NVL: variants seen among roughly 807,000 people sequenced by gnomAD.
NVL encodes nuclear valosin-containing protein-like.
In NVL, 84 loss-of-function variants were observed where a neutral mutation model predicts 110.2. The observed-to-expected ratio is 0.76, with a 90% confidence interval of 0.64 to 0.91. NVL has a LOEUF of 0.91. Among genes scored for constraint, NVL ranks in the 40% least tolerant of loss-of-function variants. The pLI, the probability that NVL is intolerant of heterozygous loss-of-function variation, is 0.00. For missense variants in NVL, 882 were observed against 1,035.9 expected, an observed-to-expected ratio of 0.85 and a Z score of 2.04; for synonymous variants, 354 against 361.1, an observed-to-expected ratio of 0.98 and a Z score of 0.22.
chr1:224,289,583 C>G lies in NVL; in HGVS notation c.1476G>C (p.Lys492Asn), dbSNP rs1667181555. The G allele has an allele frequency of 6.2e-7, 1 of 1,614,224 alleles. No individual in the cohort carries two copies. The highest frequency in any genetic ancestry group is 8.5e-7 in the Non-Finnish European group (1 of 1,180,034). Reference protein sequence around the residue: ...AMCAVNRVLMKLQEQQKKNPE... With the variant: ...AMCAVNRVLMNLQEQQKKNPE... ...GATTTTTCTTCTGCTGTTCCTGTAGCTTCATTAAGACTCTATTGACTGCAC... is the reference window on the plus strand; with the variant it reads ...GATTTTTCTTCTGCTGTTCCTGTAGGTTCATTAAGACTCTATTGACTGCAC... The change falls in exon 13 of 23, where the codon AAG becomes AAC. Residue 492 changes from lysine to asparagine, a missense_variant. By Grantham distance (94) the Lys-to-Asn change is moderately conservative (BLOSUM62 0). This residue lies in a region of NVL where 416 missense variants were observed against 499.3 expected (regional missense o/e 0.83). Coordinates refer to ENST00000281701, the MANE Select transcript of NVL (RefSeq NM_002533.4).
intron 19 of NVL, among the ~76,000 whole-genome samples, chr1:224,242,456 A>G (rs1456298181): frequency 2.0e-5 from 3 of 151,714 alleles, no homozygotes; most frequent in Non-Finnish European, 4.4e-5. Flanking sequence ...TTATTTTAAC[A>G]AATATTTTCA....
intron 8 of NVL, among the ~76,000 whole-genome samples, chr1:224,304,303 TAAACCCA>T (rs1237265626): frequency 6.6e-6 from 1 of 152,096 alleles, no homozygotes; most frequent in African/African-American, 2.4e-5. Context: ...CACATGCCTG[TAAACCCA>T]ACTACTCGGG....
At chr1:224,315,012 A>C (rs1320980936) in intron 4 of NVL, among the ~76,000 whole-genome samples, 1 of 151,646 alleles carries the variant, frequency 6.6e-6, no homozygotes, top group Non-Finnish European at 1.5e-5. Context: ...ACTCCATCTC[A>C]AAAAAACAAC....
chr1:224,298,369 G>T, intron 10 of NVL: 1 of 185,502 alleles, frequency 5.4e-6, no homozygotes, highest in South Asian at 1.1e-4. Flanking sequence ...AACAAGTTAA[G>T]GGCAAGATTC....
At chr1:224,293,002 G>A (rs968028214) in intron 12 of NVL, among the ~76,000 whole-genome samples, 1 of 151,568 alleles carries the variant, frequency 6.6e-6, no homozygotes, top group Non-Finnish European at 1.5e-5. Flanking sequence ...TGATGCACCC[G>A]CCTCGGCCTC....
In NVL at chr1:224,289,644, G is replaced by A. The variant is rs1344594414; in HGVS notation, c.1415C>T (p.Ala472Val). 5 of 1,614,254 alleles carry A rather than the reference G, an allele frequency of 3.1e-6. No homozygotes were observed. The highest frequency in any genetic ancestry group is 4.2e-6 in the Non-Finnish European group (5 of 1,180,052). ...CTCTCGGCACAGTGCCATGAGATCA[G>A]CACCAACAAAGCCTGGAGTTAGGTG... ...LAHLTPGFVG[A>V]DLMALCREAA... The change falls in exon 13 of 23, where the codon GCT becomes GTT. Residue 472 changes from alanine to valine, a missense_variant. Physicochemically the swap from Ala to Val is moderately conservative, Grantham distance 64. Around this residue, in one of 4 missense-constraint regions of NVL, gnomAD observed 416 missense variants for 499.3 expected, o/e 0.83. Coordinates refer to ENST00000281701, the MANE Select transcript of NVL (RefSeq NM_002533.4).
At chr1:224,241,459 T>C (rs149888955) in intron 19 of NVL, among the ~76,000 whole-genome samples, 3 of 152,266 alleles carry the variant, frequency 2.0e-5, no homozygotes, top group East Asian at 1.9e-4. Flanking sequence ...GATAATATTA[T>C]ATTATTTTTT....
intron 2 of NVL, among the ~76,000 whole-genome samples, chr1:224,324,088 TAC>T (rs900067327): frequency 3.3e-5 from 5 of 152,206 alleles, no homozygotes; most frequent in Non-Finnish European, 7.3e-5. Flanking sequence ...GCTAGCCTAT[TAC>T]ACACCTAGAC....
At chr1:224,277,919 A>G (rs1288123425) in intron 16 of NVL, among the ~76,000 whole-genome samples, 3 of 152,170 alleles carry the variant, frequency 2.0e-5, no homozygotes, top group Non-Finnish European at 4.4e-5. Context: ...ATGACCAAGC[A>G]CTTTCGGTCT....
chr1:224,288,078 T>C, intron 13 of NVL, 85 bp from the exon 14 acceptor site: 1 of 971,662 alleles, frequency 1.0e-6, no homozygotes, highest in Non-Finnish European at 1.6e-6. Flanking sequence ...GTAAAAATTA[T>C]TACTGTAATA....
intron 15 of NVL, among the ~76,000 whole-genome samples, chr1:224,284,527 CACT>C (rs1334904823): frequency 5.9e-5 from 9 of 151,906 alleles, no homozygotes; most frequent in Non-Finnish European, 1.0e-4. Context: ...AGGCATGCAC[CACT>C]ACATCTGGCT....
intron 15 of NVL, among the ~76,000 whole-genome samples, chr1:224,283,702 C>T (rs1217451073): frequency 3.9e-5 from 6 of 152,310 alleles, no homozygotes; most frequent in Non-Finnish European, 8.8e-5. Flanking sequence ...ATAGGACACA[C>T]ATGAAAGGGA....
chr1:224,267,921 A>G (rs1163035768), intron 18 of NVL, 113 bp downstream of exon 18: 1 of 721,814 alleles, frequency 1.4e-6, no homozygotes, highest in Non-Finnish European at 2.3e-6. Flanking sequence ...TGTGAATTAT[A>G]TTGTTTATAA....
rs561764580 is a variant in NVL at position 224,261,184 on chromosome 1, T to A, written c.2182+6850A>T. Among the ~76,000 whole-genome samples, 21 of 152,096 alleles carry A rather than the reference T, an allele frequency of 1.4e-4. No homozygotes were observed. The South Asian group carries it at 4.4e-3, about 32-fold the overall frequency. ...CCACTGCACCTGGCCTAATTTTTAT[T>A]TTGTAGAGATGGGGTCTTGCTTTGT... On this transcript the variant is annotated intron_variant, in intron 18 of 22. Transcript: ENST00000281701.
At chr1:224,314,625 T>C (rs1401654944) in intron 4 of NVL, among the ~76,000 whole-genome samples, 1 of 152,162 alleles carries the variant, frequency 6.6e-6, no homozygotes, top group Non-Finnish European at 1.5e-5. Flanking sequence ...AGAAAAACTG[T>C]GGTCGAACAC....
At chr1:224,264,103 T>TTG (rs1664249871) in intron 18 of NVL, among the ~76,000 whole-genome samples, 1 of 152,102 alleles carries the variant, frequency 6.6e-6, no homozygotes, top group Non-Finnish European at 1.5e-5. Context: ...TGTGAAGACA[T>TTG]TGTGAGTAAA....
At chr1:224,290,834 G>A (rs1484731046) in intron 12 of NVL, among the ~76,000 whole-genome samples, 17 of 151,756 alleles carry the variant, frequency 1.1e-4, no homozygotes, top group Non-Finnish European at 4.4e-5. Flanking sequence ...GCTGGGCATG[G>A]GGGCGGGTAC....
At chr1:224,272,030 A>G (rs1665170401) in intron 17 of NVL, among the ~76,000 whole-genome samples, 2 of 151,542 alleles carry the variant, frequency 1.3e-5, no homozygotes, top group Admixed American at 6.6e-5. Context: ...AACAGAATGC[A>G]TTCAAATTTA....
Position 224,275,077 on chromosome 1 carries a change from T to C in NVL, c.2082+262A>G, listed in dbSNP as rs368413414. On this transcript the variant is annotated intron_variant, in intron 17 of 22. Coordinates refer to ENST00000281701, the MANE Select transcript of NVL (RefSeq NM_002533.4). The stretch of plus-strand genomic sequence containing the variant: ...GCAAGCTATTTAAAACAATATCATT[T>C]CCATACTTACCTACTCATTTGTGTG... Among the ~76,000 whole-genome samples, 16 of 152,308 alleles carry C rather than the reference T, an allele frequency of 1.1e-4. No homozygotes were observed. In the South Asian group the frequency reaches 2.9e-3, roughly 28 times the overall value.
Sources: allele counts gnomAD v4.1 joint callset (sites outside exome capture counted in the v4.1 genomes callset), GRCh38; gene constraint gnomAD v4.1.1; regional missense constraint gnomAD v4.1.1; transcripts MANE v1.5; gene names NCBI Gene and HGNC (gene_info 2026-07-23, HGNC 2026-07-21).